TG: variants seen among roughly 807,000 people sequenced by gnomAD.
The protein encoded by TG is thyroid hormones.
A neutral mutation model predicts 324.7 loss-of-function variants in TG; 270 were observed. The ratio of observed to expected loss-of-function variants is 0.83; its 90% CI spans 0.75 to 0.92. The LOEUF is 0.92. TG is among the 40% of genes least tolerant of loss of function. TG has a pLI of 0.00. For synonymous variants in TG, 1,401 were observed against 1,327.0 expected, an observed-to-expected ratio of 1.06 and a Z score of -1.21; for missense variants, 3,591 against 3,456.4, an observed-to-expected ratio of 1.04 and a Z score of -0.98.
At chr8:132,959,153 T>TAGGA (rs1827391062) in intron 27 of TG, among the ~76,000 whole-genome samples, 1 of 152,244 alleles carries the variant, frequency 6.6e-6, no homozygotes, top group Admixed American at 6.5e-5. Flanking sequence ...TCTTTTTGTC[T>TAGGA]CACCTTTGTG....
At chr8:132,982,095 G>C (rs774883959) in intron 34 of TG, among the ~76,000 whole-genome samples, 1 of 152,172 alleles carries the variant, frequency 6.6e-6, no homozygotes, top group African/African-American at 2.4e-5. Flanking sequence ...TGTATTGAAC[G>C]TTTACTATAT....
Position 132,911,427 on chromosome 8 carries a change from T to C in TG, c.4053T>C (p.Ser1351=). 6.2e-7 allele frequency: 1 copy of C among 1,614,244 alleles called. No homozygotes were observed. Among genetic ancestry groups the C allele is most frequent in the Non-Finnish European group, 8.5e-7 (1 of 1,180,038 alleles). The part of the protein sequence containing the change: ...LVSIPVCNNS[S]VQVGCLTRER... ...CCATTCCTGTCTGCAACAACTCCTC[T>C]GTGCAGGTGGGTTGTCTGACCAGGG... Residue 1351 remains serine (S), a synonymous_variant, in exon 19 of 48, where the codon TCT becomes TCC. Transcript: ENST00000220616.
At chr8:132,900,600 C>A (rs1817780590) in intron 15 of TG, among the ~76,000 whole-genome samples, 1 of 152,198 alleles carries the variant, frequency 6.6e-6, no homozygotes, top group Admixed American at 6.5e-5. Flanking sequence ...GCATTGATCC[C>A]CATCAAAGGG....
chr8:132,931,392 T>C (rs1157624671), intron 23 of TG, among the ~76,000 whole-genome samples: 1 of 152,084 alleles, frequency 6.6e-6, no homozygotes, highest in Non-Finnish European at 1.5e-5. Flanking sequence ...AAAATCAAGG[T>C]GGTTTTACGG....
chr8:132,988,920 T>C (rs2741226), intron 35 of TG: 982,917 of 983,734 alleles, frequency 1, 491,086 homozygotes, highest in Non-Finnish European at 1. Flanking sequence ...CATTTTCACG[T>C]TGCTCATAAA....
intron 45 of TG, among the ~76,000 whole-genome samples, chr8:133,117,957 A>G (rs1174424247): frequency 6.6e-6 from 1 of 152,212 alleles, no homozygotes; most frequent in Non-Finnish European, 1.5e-5. Flanking sequence ...TTTTCCTCTT[A>G]GGGTTGGCAT....
At position 132,906,755 on chromosome 8, in the gene TG, C is replaced by A; in HGVS notation, c.3702C>A (p.Ile1234=). 6.2e-7 allele frequency: 1 copy of A among 1,614,250 alleles called. No individual in the cohort carries two copies. Among genetic ancestry groups the A allele is most frequent in the Non-Finnish European group, 8.5e-7 (1 of 1,180,048 alleles). Residue 1234 remains isoleucine, a synonymous_variant, in exon 17 of 48, where the codon ATC becomes ATA. Transcript: ENST00000220616. ...GTGGAACAATCCTGTGTGAGACAAT[C>A]TCGGGCCCCACAGGCTCTGCCATGC... ...VVGGTILCET[I]SGPTGSAMQQ...
intron 11 of TG, among the ~76,000 whole-genome samples, chr8:132,897,143 C>T (rs939529280): frequency 6.6e-6 from 1 of 152,200 alleles, no homozygotes; most frequent in African/African-American, 2.4e-5. Flanking sequence ...AATCGCCCTC[C>T]TGTGTTCCAA....
At position 132,881,990 on chromosome 8, in the gene TG, G is replaced by T. The variant is rs532679819; in HGVS notation, c.745+21G>T. 2.7e-6 allele frequency: 4 copies of T among 1,500,808 alleles called. No individual in the cohort carries two copies. In the East Asian group the frequency reaches 9.0e-5, roughly 34 times the overall value. 93.0% of individuals were successfully genotyped at this position (1,500,808 alleles called of 1,614,324 possible). ...GACAGGTGAGTGATACCCCTCAGGT[G>T]ATCTGAAGGGAGGGAGTGTGATTCC... On this transcript the variant is annotated intron_variant, in intron 6 of 47. Coordinates refer to ENST00000220616, the MANE Select transcript of TG (RefSeq NM_003235.5).
At chr8:133,055,051 T>C (rs910013678) in intron 41 of TG, among the ~76,000 whole-genome samples, 2 of 152,118 alleles carry the variant, frequency 1.3e-5, no homozygotes, top group African/African-American at 4.8e-5. Flanking sequence ...TAGTCACCTA[T>C]CTAGGGGAAA....
intron 35 of TG, chr8:132,994,686 A>G (rs1832702713): frequency 2.3e-6 from 3 of 1,287,456 alleles, no homozygotes; most frequent in Admixed American, 4.6e-5. Context: ...AGTTTGACTT[A>G]TTACAGAAGC....
At chr8:133,081,372 G>C (rs1381291440) in intron 41 of TG, among the ~76,000 whole-genome samples, 1 of 152,240 alleles carries the variant, frequency 6.6e-6, no homozygotes, top group African/African-American at 2.4e-5. Context: ...CACCTCTGGG[G>C]AAGACAATAA....
Position 132,941,548 on chromosome 8 carries a change from G to A in TG, c.5233+6G>A. ...CCTCACACAGGTTCAAGGAGGTAAT[G>A]TTGGCAGTGAGGGCCAGGGCCTAAC... On this transcript the variant is annotated splice_donor_region_variant and intron_variant, in intron 26 of 47. Coordinates refer to ENST00000220616, the MANE Select transcript of TG (RefSeq NM_003235.5). 6.2e-7 allele frequency: 1 copy of A among 1,614,154 alleles called. No homozygotes were observed. The highest frequency in any genetic ancestry group is 1.1e-5 in the South Asian group (1 of 91,086).
At chr8:132,962,153 G>A (rs1827855481) in intron 28 of TG, among the ~76,000 whole-genome samples, 1 of 152,132 alleles carries the variant, frequency 6.6e-6, no homozygotes, top group Admixed American at 6.5e-5. Context: ...GGAGGAAGAG[G>A]AGAAAAGGAG....
At chr8:133,106,981 G>T (rs777213613) in intron 43 of TG, among the ~76,000 whole-genome samples, 1 of 152,164 alleles carries the variant, frequency 6.6e-6, no homozygotes, top group African/African-American at 2.4e-5. Context: ...ACACCACTCG[G>T]CGTGAACTAA....
At chr8:132,894,008 C>T (rs1816741885) in intron 11 of TG, 79 bp downstream of exon 11, 2 of 1,606,564 alleles carry the variant, frequency 1.2e-6, no homozygotes, top group Admixed American at 1.7e-5. Flanking sequence ...CCTCAGTCAT[C>T]CTTAGGACTT....
rs184047948 is a variant in TG at position 133,045,614 on chromosome 8, C to T, written c.7239+15591C>T. On this transcript the variant is annotated intron_variant, in intron 41 of 47. Coordinates refer to ENST00000220616, the MANE Select transcript of TG (RefSeq NM_003235.5). ...GTTGCTACATTGCCCAGGCTGATCTCGAACTCCTGGACTCAAGTGATCCGC... is the reference window on the plus strand; with the variant it reads ...GTTGCTACATTGCCCAGGCTGATCTTGAACTCCTGGACTCAAGTGATCCGC... Among the ~76,000 whole-genome samples the T allele has an allele frequency of 4.2e-3, 636 of 152,122 alleles. 2 individuals are homozygous for T. Among genetic ancestry groups the T allele is most frequent in the African/African-American group, 0.014 (597 of 41,486 alleles).
Position 132,988,867 on chromosome 8 carries a change from T to C in TG, c.6262+5455T>C, listed in dbSNP as rs1304944540. 6.1e-6 allele frequency: 6 copies of C among 985,284 alleles called. No homozygotes were observed. In the East Asian group the frequency reaches 5.7e-4, roughly 93 times the overall value. The allele number at this position is 985,284 out of a possible 1,614,324, so 61.0% of individuals were successfully genotyped here. ...AGGACAACGAGCATTCAGCTTGCCA[T>C]TCTCTATTTCAGAAATGTTTCTCTT... On this transcript the variant is annotated intron_variant, in intron 35 of 47. Transcript: ENST00000220616.
rs115145937 is a variant in TG at position 132,873,125 on chromosome 8, C to A, written c.542C>A (p.Pro181His). 294 of 1,614,132 alleles carry A rather than the reference C, an allele frequency of 1.8e-4. No individual in the cohort carries two copies. In the African/African-American group the frequency reaches 3.6e-3, roughly 20 times the overall value. The part of the protein sequence containing the change: ...LLHGVGDKSP[P>H]QCSAEGEFMP... The stretch of plus-strand genomic sequence containing the variant: ...CACGGGGTGGGAGATAAGTCACCAC[C>A]CCAGTGTTCTGCGGAGGGAGAGTTT... The change falls in exon 5 of 48, where the codon CCC becomes CAC. Residue 181 changes from proline (P) to histidine (H), a missense_variant. Coordinates refer to ENST00000220616, the MANE Select transcript of TG (RefSeq NM_003235.5).
Sources: gnomAD v4.1 joint callset for allele counts (sites outside exome capture counted in the v4.1 genomes callset) on GRCh38, gnomAD v4.1.1 for gene constraint, MANE v1.5 for transcripts, NCBI Gene and HGNC (gene_info 2026-07-23, HGNC 2026-07-21) for gene names.